SIAH3: variants seen among roughly 807,000 people sequenced by gnomAD.
SIAH3 encodes the protein seven in absentia homolog 3.
A neutral mutation model predicts 12.6 loss-of-function variants in SIAH3; 9 were observed. The ratio of observed to expected loss-of-function variants is 0.72; its 90% confidence interval spans 0.43 to 1.25. The LOEUF (loss-of-function observed/expected upper bound fraction) is 1.25. Among genes scored for constraint, SIAH3 ranks in the 50% most tolerant of loss-of-function variants. The pLI is 0.00. For missense variants in SIAH3, 390 were observed against 365.4 expected, an observed-to-expected ratio of 1.07 and a Z score of -0.55; for synonymous variants, 154 against 151.1, an observed-to-expected ratio of 1.02 and a Z score of -0.14.
chr13:45,819,893 G>A (rs923297486), intron 1 of SIAH3, among the ~76,000 whole-genome samples: 3 of 152,206 alleles, frequency 2.0e-5, no homozygotes, highest in Non-Finnish European at 4.4e-5. Context: ...GAACAGAAAG[G>A]GGTTCCTCAC....
intron 1 of SIAH3, among the ~76,000 whole-genome samples, chr13:45,842,849 G>A (rs1482706666): frequency 6.6e-6 from 1 of 152,088 alleles, no homozygotes; most frequent in East Asian, 1.9e-4. Flanking sequence ...CTTTCCTGAA[G>A]CTGGTTGGTT....
intron 1 of SIAH3, among the ~76,000 whole-genome samples, chr13:45,784,504 T>C (rs1189437594): frequency 6.6e-6 from 1 of 151,710 alleles, no homozygotes; most frequent in Admixed American, 6.6e-5. Flanking sequence ...AGTTATTAAT[T>C]TTAGAACAAA....
intron 1 of SIAH3, among the ~76,000 whole-genome samples, chr13:45,838,931 C>G (rs150919069): frequency 6.6e-6 from 1 of 152,052 alleles, no homozygotes; most frequent in South Asian, 2.1e-4. Context: ...CTCCTTCACT[C>G]GGTTCTTCTC....
intron 1 of SIAH3, among the ~76,000 whole-genome samples, chr13:45,846,746 G>A (rs182589176): frequency 2.0e-5 from 3 of 152,306 alleles, no homozygotes; most frequent in East Asian, 3.9e-4. Context: ...TTGCTTCGGG[G>A]CTGCTGGATA....
At chr13:45,811,002 T>C (rs1378315915) in intron 1 of SIAH3, among the ~76,000 whole-genome samples, 1 of 152,126 alleles carries the variant, frequency 6.6e-6, no homozygotes, top group Non-Finnish European at 1.5e-5. Context: ...AGAGGCAAAA[T>C]AGGAAAGAGA....
Position 45,783,886 on chromosome 13 carries a change from T to C in SIAH3, c.307A>G (p.Thr103Ala). ...AAGGGACACATGCACAGGCAGGGCG[T>C]CACCGGGTTGGCGTGCAGCCCCGCC... ...QEAGLHANPV[T>A]PCLCMCPLFS... is the part of the protein sequence containing the mutation. Residue 103 changes from threonine to alanine, a missense_variant, in exon 2 of 2, where the codon ACG becomes GCG. Transcript: ENST00000400405. 3 of 1,612,672 alleles carry C rather than the reference T, an allele frequency of 1.9e-6. No individual in the cohort carries two copies. In the South Asian group the frequency reaches 3.3e-5, roughly 18 times the overall value.
intron 1 of SIAH3, among the ~76,000 whole-genome samples, chr13:45,801,096 G>GGA (rs369387594): frequency 0.016 from 172 of 10,764 alleles, 3 homozygotes; most frequent in African/African-American, 0.032. Context: ...GATGGGTGGC[G>GGA]GGGGGGGGCA....
intron 1 of SIAH3, among the ~76,000 whole-genome samples, chr13:45,802,242 G>A (rs563826452): frequency 6.6e-6 from 1 of 152,320 alleles, no homozygotes; most frequent in East Asian, 1.9e-4. Context: ...GGAGGTGGAT[G>A]CTGCAGTGAG....
intron 1 of SIAH3, among the ~76,000 whole-genome samples, chr13:45,789,357 C>CATCTATCTATCT (rs67992215): frequency 1.6e-3 from 171 of 107,196 alleles, no homozygotes; most frequent in East Asian, 6.1e-3. Flanking sequence ...GTGTATCTAT[C>CATCTATCTATCT]ATCTATCTAT....
intron 1 of SIAH3, among the ~76,000 whole-genome samples, chr13:45,793,700 C>A (rs1950553668): frequency 6.6e-6 from 1 of 152,184 alleles, no homozygotes; most frequent in Non-Finnish European, 1.5e-5. Flanking sequence ...CATCTGACAG[C>A]AGTCACCCTC....
At chr13:45,798,367 C>G (rs544574107) in intron 1 of SIAH3, among the ~76,000 whole-genome samples, 1 of 152,354 alleles carries the variant, frequency 6.6e-6, no homozygotes, top group South Asian at 2.1e-4. Flanking sequence ...ATTCATCACT[C>G]ACCATGTGCT....
chr13:45,803,008 G>C (rs1429932509), intron 1 of SIAH3, among the ~76,000 whole-genome samples: 1 of 152,022 alleles, frequency 6.6e-6, no homozygotes, highest in African/African-American at 2.4e-5. Flanking sequence ...GGAGAAGGAG[G>C]TTGTAGTGAG....
At chr13:45,850,958 CACACACGA>C (rs947270878) in intron 1 of SIAH3, among the ~76,000 whole-genome samples, 2 of 144,060 alleles carry the variant, frequency 1.4e-5, no homozygotes, top group African/African-American at 5.8e-5. Flanking sequence ...CACACACACA[CACACACGA>C]GTCTGAGGAC....
At position 45,818,608 on chromosome 13, in the gene SIAH3, T is replaced by C. The variant is rs954014716; in HGVS notation, c.135+32887A>G. Among the ~76,000 whole-genome samples the C allele has an allele frequency of 4.5e-4, 69 of 152,262 alleles. 1 individual carries two copies. Among genetic ancestry groups the C allele is most frequent in the Middle Eastern group, 3.2e-3 (1 of 316 alleles). ...GTGGCAGCTGGCATTCCTTGGCTTG[T>C]GGCTGCATCACTGCAATTTCAAGGC... On this transcript the variant is annotated intron_variant, in intron 1 of 1. Transcript: ENST00000400405.
intron 1 of SIAH3, among the ~76,000 whole-genome samples, chr13:45,841,721 C>G (rs976263739): frequency 1.3e-5 from 2 of 152,178 alleles, no homozygotes; most frequent in South Asian, 2.1e-4. Flanking sequence ...GAATATGTAG[C>G]CTTTGGATCC....
intron 1 of SIAH3, among the ~76,000 whole-genome samples, chr13:45,829,566 G>A (rs183826445): frequency 1.3e-5 from 2 of 152,094 alleles, no homozygotes; most frequent in Non-Finnish European, 2.9e-5. Context: ...CCATGATCAC[G>A]CCCCTGCACT....
At position 45,838,806 on chromosome 13, in the gene SIAH3, G is replaced by A. The variant is rs142465738; in HGVS notation, c.135+12689C>T. ...GCTCCTGCTTGAGTGTTTTTCTCCC[G>A]CTTTCTAGGGTCAATGTGGACACAG... On this transcript the variant is annotated intron_variant, in intron 1 of 1. Transcript: ENST00000400405. Among the ~76,000 whole-genome samples the A allele has an allele frequency of 5.9e-5, 9 of 151,828 alleles. No homozygotes were observed. In the East Asian group the frequency reaches 7.8e-4, roughly 13 times the overall value.
chr13:45,784,120 C>G, intron 1 of SIAH3, 63 bp from the exon 2 acceptor site: 1 of 1,450,784 alleles, frequency 6.9e-7, no homozygotes, highest in Non-Finnish European at 9.3e-7. Context: ...CCGCCACTCC[C>G]CTGATGTTCA....
intron 1 of SIAH3, among the ~76,000 whole-genome samples, chr13:45,817,792 C>A (rs960029372): frequency 1.3e-5 from 2 of 152,182 alleles, no homozygotes; most frequent in Non-Finnish European, 1.5e-5. Flanking sequence ...CTCTTCCCAA[C>A]AATCCCAAGA....
Sources: gnomAD v4.1 joint callset for allele counts (sites outside exome capture counted in the v4.1 genomes callset) on GRCh38, gnomAD v4.1.1 for gene constraint, MANE v1.5 for transcripts, NCBI Gene and HGNC (gene_info 2026-07-23, HGNC 2026-07-21) for gene names.